The following CYTIP variants were observed in gnomAD, a reference collection of about 807,000 sequenced individuals.
The protein encoded by CYTIP is cytohesin-interacting protein.
CYTIP carries 26 observed loss-of-function variants against 43.8 expected under a neutral mutation model. That is an observed-to-expected ratio of 0.59 (90% CI 0.44 to 0.82). The LOEUF is 0.82. Ranked by LOEUF, CYTIP falls within the 40% of genes least tolerant of loss-of-function variation. The pLI, the probability that CYTIP is intolerant of heterozygous loss-of-function variation, is 0.00. For synonymous variants in CYTIP, 162 were observed against 162.9 expected (o/e 0.99, Z 0.04); for missense variants, 426 against 443.1 (o/e 0.96, Z 0.35).
At chr2:157,428,392 G>T (rs188230423) in intron 5 of CYTIP, among the ~76,000 whole-genome samples, 41 of 152,296 alleles carry the variant, frequency 2.7e-4, no homozygotes, top group Non-Finnish European at 5.0e-4. Flanking sequence ...GAATAATCAG[G>T]TGGTAGCAAG....
chr2:157,426,631 G>GT (rs1273539700), intron 6 of CYTIP, among the ~76,000 whole-genome samples: 4 of 152,168 alleles, frequency 2.6e-5, no homozygotes, highest in Non-Finnish European at 5.9e-5. Context: ...TGGCTACCTG[G>GT]TTGCTCTGCA....
chr2:157,432,388 G>A lies in CYTIP; in HGVS notation c.280-1426C>T, dbSNP rs147221167. Among the ~76,000 whole-genome samples, 63 of 152,198 alleles carry A rather than the reference G, an allele frequency of 4.1e-4. No homozygotes were observed. In the East Asian group the frequency reaches 0.011, roughly 27 times the overall value. On this transcript the variant is annotated intron_variant, in intron 3 of 7. Transcript: ENST00000264192. The stretch of plus-strand genomic sequence containing the variant: ...ACCCAGTCTTCTAGCTCCCATTAAG[G>A]GATCAGTGACACAATGATCACCTGC...
intron 3 of CYTIP, among the ~76,000 whole-genome samples, chr2:157,431,549 T>C (rs1685714463): frequency 6.6e-6 from 1 of 152,200 alleles, no homozygotes; most frequent in African/African-American, 2.4e-5. Context: ...CCCAACTAAA[T>C]TAGAAAAAGT....
rs570218408 is a variant in CYTIP at position 157,438,466 on chromosome 2, T to C, written c.175-3719A>G. On this transcript the variant is annotated intron_variant, in intron 1 of 7. Coordinates refer to ENST00000264192, the MANE Select transcript of CYTIP (RefSeq NM_004288.5). ...GAATAAGTTCTAGTGCTCTATACTGTAGGCTAACTATAGTTAACAATAGTA... is the reference window on the plus strand; with the variant it reads ...GAATAAGTTCTAGTGCTCTATACTGCAGGCTAACTATAGTTAACAATAGTA... Among the ~76,000 whole-genome samples the C allele has an allele frequency of 5.9e-5, 9 of 152,308 alleles. 1 individual carries two copies. Among genetic ancestry groups the C allele is most frequent in the Admixed American group, 5.2e-4 (8 of 15,306 alleles).
chr2:157,434,254 A>G (rs937989826), intron 3 of CYTIP, 116 bp downstream of exon 3: 6 of 854,616 alleles, frequency 7.0e-6, no homozygotes, highest in African/African-American at 5.1e-5. Flanking sequence ...ACACTGAATA[A>G]AAGTCATAGG....
intron 7 of CYTIP, among the ~76,000 whole-genome samples, chr2:157,417,555 T>C (rs1038025846): frequency 3.3e-5 from 5 of 152,170 alleles, no homozygotes; most frequent in South Asian, 2.1e-4. Context: ...TACAAGGCCA[T>C]AAAGAAGTTT....
At chr2:157,421,708 A>C (rs780519231) in intron 6 of CYTIP, among the ~76,000 whole-genome samples, 1 of 152,210 alleles carries the variant, frequency 6.6e-6, no homozygotes, top group Non-Finnish European at 1.5e-5. Flanking sequence ...TGGTGCAATG[A>C]AGAGTCTTTG....
rs1685708808 is a variant in CYTIP, at chr2:157,431,106, G to T, written c.280-144C>A. The T allele has an allele frequency of 1.1e-5, 7 of 645,006 alleles. No homozygotes were observed. In the South Asian group the frequency reaches 1.5e-4, roughly 14 times the overall value. The allele number at this position is 645,006 out of a possible 1,614,324, so 40.0% of individuals were successfully genotyped here. A position where few individuals can be genotyped will look rare whatever the true frequency, so the allele number is the denominator to read the frequency against. On this transcript the variant is annotated intron_variant, in intron 3 of 7. Coordinates refer to ENST00000264192, the MANE Select transcript of CYTIP (RefSeq NM_004288.5). ...GATTTCCACTATAAACTAAATCAAG[G>T]TATCAATTTTGCAATTCTACCAGAC...
In CYTIP at chr2:157,430,577, G is replaced by A. The variant is rs762663690; in HGVS notation, c.458C>T (p.Ser153Leu). ...TAGTTACGTTAGCAGGTTTCCGGACGATCTGATCAGGTCAACGACTTGTTT... is the reference window on the plus strand; with the variant it reads ...TAGTTACGTTAGCAGGTTTCCGGACAATCTGATCAGGTCAACGACTTGTTT... ...TYKQVVDLIR[S>L]SGNLLTIETL... Residue 153 changes from serine (S) to leucine (L), a missense_variant, in exon 5 of 8, where the codon TCG becomes TTG. Physicochemically the swap from Ser to Leu is moderately radical, Grantham distance 145. Transcript: ENST00000264192. 6.2e-6 allele frequency: 10 copies of A among 1,614,110 alleles called. No individual in the cohort carries two copies. The highest frequency in any genetic ancestry group is 1.6e-4 in the Middle Eastern group (1 of 6,062).
At chr2:157,441,881 C>T (rs1313449736) in intron 1 of CYTIP, among the ~76,000 whole-genome samples, 1 of 152,232 alleles carries the variant, frequency 6.6e-6, no homozygotes, top group Non-Finnish European at 1.5e-5. Context: ...TAATCCACTA[C>T]ATTTCTACAA....
At chr2:157,432,604 A>T (rs1335691967) in intron 3 of CYTIP, among the ~76,000 whole-genome samples, 2 of 152,130 alleles carry the variant, frequency 1.3e-5, no homozygotes. Flanking sequence ...CATGAGTCCA[A>T]AGTCTGCATT....
intron 1 of CYTIP, among the ~76,000 whole-genome samples, chr2:157,436,495 T>G (rs150612931): frequency 3.3e-5 from 5 of 152,248 alleles, no homozygotes; most frequent in African/African-American, 1.2e-4. Context: ...AAGTTTCTTA[T>G]ACCTCTATAA....
chr2:157,415,814 G>C lies in CYTIP; in HGVS notation c.943C>G (p.Pro315Ala). 1 of 1,614,208 alleles carries C rather than the reference G, an allele frequency of 6.2e-7. No homozygotes were observed. The highest frequency in any genetic ancestry group is 8.5e-7 in the Non-Finnish European group (1 of 1,180,028). The change falls in exon 8 of 8, where the codon CCC becomes GCC. Residue 315 changes from proline to alanine, a missense_variant. Pro to Ala is a conservative substitution (Grantham distance 27, BLOSUM62 -1). Transcript: ENST00000264192. ...ISNTSSGSMS[P>A]LWEGNLSSMF... is the part of the protein sequence containing the mutation. Reference sequence around the variant, plus strand: ...CTTGATAAGTTGCCCTCCCACAAGGGAGACATGGATCCGCTGCTGGTGTTA... The same window carrying C: ...CTTGATAAGTTGCCCTCCCACAAGGCAGACATGGATCCGCTGCTGGTGTTA...
intron 1 of CYTIP, among the ~76,000 whole-genome samples, chr2:157,441,602 AT>A (rs1685918269): frequency 1.3e-4 from 5 of 37,400 alleles, no homozygotes; most frequent in Non-Finnish European, 2.5e-4. Flanking sequence ...ATATATGCAC[AT>A]ACACACACAC....
intron 6 of CYTIP, among the ~76,000 whole-genome samples, chr2:157,420,471 G>A (rs573784711): frequency 8.8e-4 from 134 of 152,042 alleles, no homozygotes; most frequent in African/African-American, 2.9e-3. Context: ...AGCTGAGATG[G>A]CACAATTGTA....
chr2:157,417,302 T>G (rs1685453217), intron 7 of CYTIP, among the ~76,000 whole-genome samples: 1 of 152,186 alleles, frequency 6.6e-6, no homozygotes. Flanking sequence ...AGCAATTGCC[T>G]TATAGAATCA....
Position 157,434,613 on chromosome 2 carries a change from G to C in CYTIP, c.224+85C>G, listed in dbSNP as rs1185111879. The C allele has an allele frequency of 3.0e-6, 3 of 1,002,882 alleles. No homozygotes were observed. The South Asian group carries it at 4.1e-5, about 14-fold the overall frequency. The allele number at this position is 1,002,882 out of a possible 1,614,324, so 62.1% of individuals were successfully genotyped here. On this transcript the variant is annotated intron_variant, in intron 2 of 7. Coordinates refer to ENST00000264192, the MANE Select transcript of CYTIP (RefSeq NM_004288.5). ...GTGTGCGTAGAGAGAGAGAGAGAGA[G>C]AGAGGAAGAGAGAGGAAAAAACAGT...
At position 157,418,567 on chromosome 2, in the gene CYTIP, A is replaced by T; in HGVS notation, c.569T>A (p.Val190Glu). ...VLKQTLKQKW[V>E]EYRSLQLQEH... is the part of the protein sequence containing the mutation. ...CTGTAACTGCAGAGATCTGTACTCC[A>T]CCCATTTTTGTTTCAAAGTTTGCTG... Residue 190 changes from valine to glutamate, a missense_variant, in exon 7 of 8, where the codon GTG becomes GAG. Coordinates refer to ENST00000264192, the MANE Select transcript of CYTIP (RefSeq NM_004288.5). 1 of 1,564,918 alleles carries T rather than the reference A, an allele frequency of 6.4e-7. No individual in the cohort carries two copies. Among genetic ancestry groups the T allele is most frequent in the African/African-American group, 1.4e-5 (1 of 71,696 alleles).
intron 1 of CYTIP, among the ~76,000 whole-genome samples, chr2:157,443,178 CA>C (rs1558943266): frequency 1.3e-5 from 2 of 152,080 alleles, no homozygotes; most frequent in African/African-American, 4.8e-5. Context: ...AGGCACTGCA[CA>C]GTTCCTTATT....
Sources: allele counts gnomAD v4.1 joint callset (sites outside exome capture counted in the v4.1 genomes callset), GRCh38; gene constraint gnomAD v4.1.1; transcripts MANE v1.5; gene names NCBI Gene and HGNC (gene_info 2026-07-23, HGNC 2026-07-21).